Variants in ANKRD26 observed in about 807,000 individuals in gnomAD.
The protein encoded by ANKRD26 is ankyrin repeat domain-containing protein 26.
Under a neutral mutation model 208.7 loss-of-function variants are expected in ANKRD26, and 141 were observed. That is an observed-to-expected ratio of 0.68 (90% CI 0.59 to 0.78). The LOEUF is 0.78. Ranked by LOEUF, ANKRD26 falls within the 30% of genes least tolerant of loss-of-function variation. The pLI is 0.00. For synonymous variants in ANKRD26, 636 were observed against 660.4 expected, an observed-to-expected ratio of 0.96 and a Z score of 0.57; for missense variants, 1,889 against 1,938.7, an observed-to-expected ratio of 0.97 and a Z score of 0.48.
chr10:26,972,336 TAA>T (rs889485404), downstream of ANKRD26, among the ~76,000 whole-genome samples: 13 of 151,056 alleles, frequency 8.6e-5, no homozygotes, highest in Non-Finnish European at 1.8e-4. Flanking sequence ...CTGTCGGTAA[TAA>T]GTTAGGAATT....
Position 27,077,492 on chromosome 10 carries a change from TCAAA to T in ANKRD26, c.919_922del (p.Phe307ArgfsTer45). On this transcript the variant is annotated frameshift_variant, in exon 9 of 34. Transcript: ENST00000376087. LOFTEE classifies it high-confidence loss of function. Reference sequence around the variant, plus strand: ...ATCTTGACTATCGGAATCTCTATCCTCAAACAAAGTTCTATTTCCTGTTCTCACA... The same window carrying T: ...ATCTTGACTATCGGAATCTCTATCCTCAAAGTTCTATTTCCTGTTCTCACA... The T allele has an allele frequency of 1.2e-6, 2 of 1,614,082 alleles. No individual in the cohort carries two copies. Among genetic ancestry groups the T allele is most frequent in the Non-Finnish European group, 1.7e-6 (2 of 1,179,978 alleles).
At chr10:27,051,071 T>C in intron 16 of ANKRD26, 9 of 1,249,226 alleles carry the variant, frequency 7.2e-6, no homozygotes, top group Non-Finnish European at 9.3e-6. Flanking sequence ...CTTTTTGAAG[T>C]TGGACTTTTT....
chr10:27,050,076 C>T (rs1381542398), intron 16 of ANKRD26, among the ~76,000 whole-genome samples: 3 of 151,012 alleles, frequency 2.0e-5, no homozygotes, highest in Non-Finnish European at 3.0e-5. Context: ...AAAAATTAGC[C>T]GGGTGTGGTG....
At chr10:27,062,290 A>G in intron 12 of ANKRD26, 1 of 814,350 alleles carries the variant, frequency 1.2e-6, no homozygotes, top group Non-Finnish European at 1.5e-6. Flanking sequence ...CAGAAATAAA[A>G]GAAAAATAAT....
intron 11 of ANKRD26, among the ~76,000 whole-genome samples, chr10:27,065,662 T>A (rs1038299525): frequency 1.3e-5 from 2 of 150,852 alleles, no homozygotes; most frequent in Non-Finnish European, 2.9e-5. Context: ...TCCCTGCAGA[T>A]CTATACAAAT....
Position 27,040,151 on chromosome 10 carries a change from T to C in ANKRD26, c.2189A>G (p.Asp730Gly), listed in dbSNP as rs1184397249. Residue 730 changes from aspartate to glycine, a missense_variant, in exon 21 of 34, where the codon GAT (aspartate) becomes GGT (glycine). By Grantham distance (94) the Asp-to-Gly change is moderately conservative. Transcript: ENST00000376087. Reference sequence around the variant, plus strand: ...TAATCTTTCACATGAAAGAGCTGCATCCTGGATTTTCAATAGGCTAACAGA... The same window carrying C: ...TAATCTTTCACATGAAAGAGCTGCACCCTGGATTTTCAATAGGCTAACAGA... ...KDSVSLLKIQ[D>G]AALSCERLLE... 6 of 1,612,376 alleles carry C rather than the reference T, an allele frequency of 3.7e-6. No homozygotes were observed. The highest frequency in any genetic ancestry group is 5.1e-6 in the Non-Finnish European group (6 of 1,179,308).
chr10:27,006,007 A>G (rs933187836), intron 33 of ANKRD26, among the ~76,000 whole-genome samples: 1 of 152,226 alleles, frequency 6.6e-6, no homozygotes, highest in African/African-American at 2.4e-5. Flanking sequence ...GATGAAGATG[A>G]TATGATCCAC....
chr10:27,070,086 CAG>C lies in ANKRD26; in HGVS notation c.1078-2802_1078-2801del, dbSNP rs1043056019. The stretch of plus-strand genomic sequence containing the variant: ...TGCCACTGCACTCCAGCCTGGGTAA[CAG>C]AGACTCTGTATTTAAAAAAAAAAAA... On this transcript the variant is annotated intron_variant, in intron 9 of 33. Coordinates refer to ENST00000376087, the MANE Select transcript of ANKRD26 (RefSeq NM_014915.3). 2.9e-4 allele frequency among the ~76,000 whole-genome samples: 37 copies of C among 128,190 alleles called. No homozygotes were observed. In the Middle Eastern group the frequency reaches 0.02, roughly 70 times the overall value. 84.1% of individuals were successfully genotyped at this position (128,190 alleles called of 152,430 possible).
intron 12 of ANKRD26, among the ~76,000 whole-genome samples, chr10:27,063,376 A>G (rs905961732): frequency 6.6e-6 from 1 of 151,964 alleles, no homozygotes; most frequent in Non-Finnish European, 1.5e-5. Context: ...GATGGAGTGC[A>G]GTGACGTGAT....
chr10:27,032,806 C>T (rs1761580107), intron 25 of ANKRD26, among the ~76,000 whole-genome samples: 1 of 151,096 alleles, frequency 6.6e-6, no homozygotes. Flanking sequence ...CAGAGTGAGA[C>T]TCTGTCTCAA....
At chr10:27,079,408 A>G (rs2055821797) in intron 6 of ANKRD26, among the ~76,000 whole-genome samples, 1 of 152,242 alleles carries the variant, frequency 6.6e-6, no homozygotes, top group South Asian at 2.1e-4. Context: ...TAAAGACTCA[A>G]CCTTAGTTCT....
intron 9 of ANKRD26, among the ~76,000 whole-genome samples, chr10:27,075,714 A>C (rs184985383): frequency 6.6e-6 from 1 of 152,338 alleles, no homozygotes; most frequent in Non-Finnish European, 1.5e-5. Context: ...GCCAACAAAG[A>C]AACATTGGAC....
chr10:26,979,965 G>T (rs976929286), intron 5 of ANKRD26, among the ~76,000 whole-genome samples: 2 of 151,680 alleles, frequency 1.3e-5, no homozygotes, highest in East Asian at 3.9e-4. Context: ...CAGGATAATT[G>T]GTCAGCTAAG....
chr10:27,078,759 T>C (rs932420196), intron 7 of ANKRD26, among the ~76,000 whole-genome samples: 5 of 152,162 alleles, frequency 3.3e-5, no homozygotes, highest in African/African-American at 4.8e-5. Context: ...TGCTTATCCA[T>C]ATAAACTTTG....
intron 5 of ANKRD26, among the ~76,000 whole-genome samples, chr10:26,978,492 T>A (rs2052260034): frequency 6.6e-6 from 1 of 152,072 alleles, no homozygotes; most frequent in Non-Finnish European, 1.5e-5. Context: ...ATGTTTGGCT[T>A]ATAGAAATTT....
the ANKRD26 span, among the ~76,000 whole-genome samples, chr10:26,960,035 G>A: frequency 7.2e-5 from 11 of 151,980 alleles, no homozygotes; most frequent in African/African-American, 2.7e-4. Context: ...GGAAGCACAC[G>A]CCTGTGGTTT....
intron 3 of ANKRD26, among the ~76,000 whole-genome samples, chr10:26,984,168 G>T (rs1034822551): frequency 2.0e-5 from 3 of 152,170 alleles, no homozygotes; most frequent in African/African-American, 7.2e-5. Context: ...CAGGTGCTGG[G>T]TTCTCCATAA....
chr10:27,028,148 T>C (rs974876659), intron 27 of ANKRD26, among the ~76,000 whole-genome samples: 1 of 152,186 alleles, frequency 6.6e-6, no homozygotes, highest in South Asian at 2.1e-4. Flanking sequence ...TGGAGGAACA[T>C]CTGAAAATTT....
chr10:26,990,833 T>TA (rs2052473463), downstream of ANKRD26, among the ~76,000 whole-genome samples: 1 of 152,042 alleles, frequency 6.6e-6, no homozygotes, highest in Non-Finnish European at 1.5e-5. Flanking sequence ...ATCAGCAAAA[T>TA]AAACACTGAT....
Sources: gnomAD v4.1 joint callset for allele counts (sites outside exome capture counted in the v4.1 genomes callset) on GRCh38, gnomAD v4.1.1 for gene constraint, MANE v1.5 for transcripts, NCBI Gene and HGNC (gene_info 2026-07-23, HGNC 2026-07-21) for gene names.